MPDZ: variants seen among roughly 807,000 people sequenced by gnomAD.
The protein encoded by MPDZ is multiple PDZ domain crumbs cell polarity complex component.
A neutral mutation model predicts 239.1 loss-of-function variants in MPDZ; 234 were observed. That is an observed-to-expected ratio of 0.98 (90% CI 0.88 to 1.09). MPDZ has a LOEUF of 1.09. Ranked by LOEUF, MPDZ falls within the 50% of genes least tolerant of loss-of-function variation. The probability of loss-of-function intolerance (pLI) is 0.00; values close to 1 mark genes in which losing one functional copy is unlikely to be tolerated. For synonymous variants in MPDZ, 1,048 were observed against 881.3 expected, an observed-to-expected ratio of 1.19 and a Z score of -3.35; for missense variants, 3,175 against 2,510.0, an observed-to-expected ratio of 1.26 and a Z score of -5.66.
chr9:13,197,596 A>AT (rs777069615), intron 12 of MPDZ, among the ~76,000 whole-genome samples: 28 of 152,244 alleles, frequency 1.8e-4, no homozygotes, highest in Middle Eastern at 3.4e-3. Flanking sequence ...CATTTATTAT[A>AT]TTTTTTGTGT....
intron 27 of MPDZ, 108 bp downstream of exon 27, chr9:13,143,358 C>T: frequency 1.8e-5 from 14 of 797,736 alleles, no homozygotes; most frequent in Admixed American, 2.5e-5. Flanking sequence ...GTTTTTTTTT[C>T]CCTGCCCAAA....
Position 13,164,007 on chromosome 9 carries a change from T to C in MPDZ, c.3255-1212A>G, listed in dbSNP as rs531038260. On this transcript the variant is annotated intron_variant, in intron 22 of 46. Transcript: ENST00000319217. Reference sequence around the variant, plus strand: ...GTAAATCACCACTGCTGAACCTCCATACCCTCTACCACAAAAAGGATGTCA... The same window carrying C: ...GTAAATCACCACTGCTGAACCTCCACACCCTCTACCACAAAAAGGATGTCA... Among the ~76,000 whole-genome samples the C allele has an allele frequency of 3.0e-4, 46 of 152,236 alleles. 2 individuals are homozygous for C. The highest frequency in any genetic ancestry group is 1.0e-3 in the African/African-American group (43 of 41,556).
intron 3 of MPDZ, among the ~76,000 whole-genome samples, chr9:13,230,815 A>T (rs1962199871): frequency 6.6e-6 from 1 of 152,166 alleles, no homozygotes; most frequent in Admixed American, 6.6e-5. Context: ...TAATGAAGAT[A>T]CGACATACTG....
chr9:13,174,232 C>G (rs1952163632), intron 21 of MPDZ, among the ~76,000 whole-genome samples: 2 of 152,068 alleles, frequency 1.3e-5, no homozygotes, highest in African/African-American at 4.8e-5. Flanking sequence ...CTGTAAGTAT[C>G]TATTATAGCA....
At chr9:13,232,331 A>C (rs1413532494) in intron 3 of MPDZ, among the ~76,000 whole-genome samples, 2 of 152,180 alleles carry the variant, frequency 1.3e-5, no homozygotes, top group Admixed American at 6.5e-5. Context: ...GATATGATTA[A>C]ATTTGTTTAA....
intron 18 of MPDZ, among the ~76,000 whole-genome samples, chr9:13,185,073 T>C (rs971124449): frequency 1.3e-5 from 2 of 152,036 alleles, no homozygotes; most frequent in African/African-American, 2.4e-5. Context: ...GTATTTGCTA[T>C]GGCTGGGTAC....
chr9:13,193,028 G>C (rs1186670701), intron 14 of MPDZ, 139 bp downstream of exon 14: 7 of 732,358 alleles, frequency 9.6e-6, no homozygotes, highest in African/African-American at 9.0e-5. Flanking sequence ...TTCTGCTTTG[G>C]GTTGTTTTTA....
At chr9:13,222,584 T>G (rs953865476) in intron 5 of MPDZ, 138 bp from the exon 6 acceptor site, 1 of 695,274 alleles carries the variant, frequency 1.4e-6, no homozygotes, top group Non-Finnish European at 2.4e-6. Flanking sequence ...GCAGTTCTAC[T>G]TTAAAAAAAA....
chr9:13,193,218 C>A lies in MPDZ; in HGVS notation c.1752G>T (p.Glu584Asp). Residue 584 changes from glutamate to aspartate, a missense_variant, in exon 14 of 47, where the codon GAG becomes GAT. Coordinates refer to ENST00000319217, the MANE Select transcript of MPDZ (RefSeq NM_001378778.1). ...GHHFIRSVLP[E>D]GPVGHSGKLF... ...GCTTCCCGCTGTGTCCAACAGGACCCTCTGGTAGAACAGATCGGATAAAAT... is the reference window on the plus strand; with the variant it reads ...GCTTCCCGCTGTGTCCAACAGGACCATCTGGTAGAACAGATCGGATAAAAT... 6.2e-7 allele frequency: 1 copy of A among 1,609,042 alleles called. No individual in the cohort carries two copies. The highest frequency in any genetic ancestry group is 8.5e-7 in the Non-Finnish European group (1 of 1,176,856).
chr9:13,147,708 A>C (rs574016123), intron 25 of MPDZ, 50 bp from the exon 26 acceptor site: 1 of 1,417,474 alleles, frequency 7.1e-7, no homozygotes. Context: ...TAGAACAACA[A>C]AAAAATGTGT....
At chr9:13,186,226 T>C (rs1327141184) in intron 18 of MPDZ, 44 bp downstream of exon 18, 1 of 1,112,130 alleles carries the variant, frequency 9.0e-7, no homozygotes, top group Non-Finnish European at 1.3e-6. Flanking sequence ...AAGTAAGACA[T>C]ATCAGGTTTC....
intron 19 of MPDZ, among the ~76,000 whole-genome samples, chr9:13,180,363 C>T (rs907367662): frequency 3.9e-5 from 6 of 152,012 alleles, no homozygotes; most frequent in Admixed American, 1.3e-4. Context: ...AAAAGTAATT[C>T]CTGGCAGAAC....
intron 3 of MPDZ, among the ~76,000 whole-genome samples, chr9:13,238,425 C>G (rs556253498): frequency 1.3e-5 from 2 of 152,266 alleles, no homozygotes; most frequent in South Asian, 2.1e-4. Context: ...TCAGACACCC[C>G]CTTCTCAAGC....
intron 35 of MPDZ, 43 bp from the exon 36 acceptor site, chr9:13,123,341 C>T: frequency 6.5e-7 from 1 of 1,530,410 alleles, no homozygotes; most frequent in Non-Finnish European, 8.9e-7. Flanking sequence ...AAATTGGTTA[C>T]TAAGGCATAT....
chr9:13,259,524 A>G (rs761352754), intron 1 of MPDZ, among the ~76,000 whole-genome samples: 4 of 152,152 alleles, frequency 2.6e-5, no homozygotes, highest in Non-Finnish European at 4.4e-5. Context: ...AAAGGAAAAG[A>G]AATGAACAAT....
At chr9:13,119,258 AT>A (rs1228463515) in intron 39 of MPDZ, among the ~76,000 whole-genome samples, 1 of 151,828 alleles carries the variant, frequency 6.6e-6, no homozygotes, top group Non-Finnish European at 1.5e-5. Context: ...TAATTTTTAT[AT>A]TTTTTTGTAG....
At position 13,223,853 on chromosome 9, in the gene MPDZ, G is replaced by GT. The variant is rs752272284; in HGVS notation, c.394-144dup. 1.2e-3 allele frequency: 907 copies of GT among 766,382 alleles called. 2 individuals are homozygous for GT. The highest frequency in any genetic ancestry group is 1.3e-3 in the Non-Finnish European group (636 of 506,864). 47.5% of individuals were successfully genotyped at this position (766,382 alleles called of 1,614,324 possible). ...TAGGGACCAGACTGGGCTACATAAT[G>GT]TGACCCCATCTCTATAAAAAATAAA... is the stretch of plus-strand genomic sequence containing the variant. On this transcript the variant is annotated intron_variant, in intron 4 of 46. Coordinates refer to ENST00000319217, the MANE Select transcript of MPDZ (RefSeq NM_001378778.1).
rs1955646719 is a variant in MPDZ, at chr9:13,196,351, T to C, written c.1547-121A>G. 8.8e-6 allele frequency: 5 copies of C among 566,382 alleles called. No individual in the cohort carries two copies. In the South Asian group the frequency reaches 1.4e-4, roughly 16 times the overall value. 35.1% of individuals were successfully genotyped at this position (566,382 alleles called of 1,614,324 possible). A position where few individuals can be genotyped will look rare whatever the true frequency, so the allele number is the denominator to read the frequency against. ...ATCACGTCAGACTCTTCGCCCAATA[T>C]ATGGGCTATTCTCATCTCCATAATT... On this transcript the variant is annotated intron_variant, in intron 12 of 46. Coordinates refer to ENST00000319217, the MANE Select transcript of MPDZ (RefSeq NM_001378778.1).
At chr9:13,183,289 A>C (rs1953616447) in intron 19 of MPDZ, 129 bp downstream of exon 19, 2 of 692,804 alleles carry the variant, frequency 2.9e-6, no homozygotes, top group Non-Finnish European at 4.5e-6. Context: ...TTAATCCAAT[A>C]ATGAATCCAC....
Sources: allele counts gnomAD v4.1 joint callset (sites outside exome capture counted in the v4.1 genomes callset), GRCh38; gene constraint gnomAD v4.1.1; transcripts MANE v1.5; gene names NCBI Gene and HGNC (gene_info 2026-07-23, HGNC 2026-07-21).